The following SLC4A2 variants were observed in gnomAD, a reference collection of about 807,000 sequenced individuals.
SLC4A2 encodes solute carrier family 4 member 2.
SLC4A2 carries 36 observed loss-of-function variants against 115.0 expected under a neutral mutation model. That is an observed-to-expected ratio of 0.31 (90% CI 0.24 to 0.41). The LOEUF is 0.41. SLC4A2 is among the 10% of genes least tolerant of loss of function. SLC4A2 has a pLI of 1.00. For synonymous variants in SLC4A2, 708 were observed against 708.3 expected (o/e 1.00, Z 0.01); for missense variants, 1,252 against 1,705.6 (o/e 0.73, Z 4.68).
rs1797503206 is a variant in SLC4A2, at chr7:151,073,286, A to ATTTTATTTTAT, written c.2536-750_2536-749insTATTTTATTTT. Among the ~76,000 whole-genome samples the ATTTTATTTTAT allele has an allele frequency of 2.0e-5, 3 of 146,818 alleles. No homozygotes were observed. In the Admixed American group the frequency reaches 2.1e-4, roughly 10 times the overall value. On this transcript the variant is annotated intron_variant, in intron 16 of 22. Coordinates refer to ENST00000413384, the MANE Select transcript of SLC4A2 (RefSeq NM_003040.4). The stretch of plus-strand genomic sequence containing the variant: ...ATTTTATTTTATTTTATTTTATTTT[A>ATTTTATTTTAT]TTTGTTTATTTGTTTTTTGAGACAG...
intron 2 of SLC4A2, among the ~76,000 whole-genome samples, chr7:151,063,407 C>G (rs899121036): frequency 6.6e-6 from 1 of 152,224 alleles, no homozygotes; most frequent in African/African-American, 2.4e-5. Flanking sequence ...CTCAGGCCAA[C>G]TGGAGTTTCT....
At chr7:151,063,111 G>A in intron 2 of SLC4A2, 6 of 1,525,670 alleles carry the variant, frequency 3.9e-6, no homozygotes, top group East Asian at 2.5e-5. Flanking sequence ...CCGCTTAGCT[G>A]GGCTGAGCTC....
rs1797152148 is a variant in SLC4A2 at position 151,064,274 on chromosome 7, C to T, written c.124C>T (p.Leu42=). 4 of 1,612,224 alleles carry T rather than the reference C, an allele frequency of 2.5e-6. No homozygotes were observed. Among genetic ancestry groups the T allele is most frequent in the Non-Finnish European group, 3.4e-6 (4 of 1,179,868 alleles). Reference sequence around the variant, plus strand: ...GGAGGAAGACGAACTTCACCGCACCCTGGGCGTGGAGCGGTTTGAGGAGAT... The same window carrying T: ...GGAGGAAGACGAACTTCACCGCACCTTGGGCGTGGAGCGGTTTGAGGAGAT... ...EQEEDELHRT[L]GVERFEEILQ... The change falls in exon 3 of 23, where the codon CTG becomes TTG. Residue 42 remains leucine (L), a synonymous_variant. Coordinates refer to ENST00000413384, the MANE Select transcript of SLC4A2 (RefSeq NM_003040.4).
rs1012153919 is a variant in SLC4A2 at position 151,062,505 on chromosome 7, C to T, written c.51+467C>T. The stretch of plus-strand genomic sequence containing the variant: ...TCCACATGGCCCCCTTTGGATTTTC[C>T]TAAGGAGTCTTAATGATTAACCCCG... On this transcript the variant is annotated intron_variant, in intron 2 of 22. Transcript: ENST00000413384. 3.7e-6 allele frequency: 5 copies of T among 1,365,190 alleles called. No homozygotes were observed. In the African/African-American group the frequency reaches 7.4e-5, roughly 20 times the overall value. 84.6% of individuals were successfully genotyped at this position (1,365,190 alleles called of 1,614,324 possible).
rs756650990 is a variant in SLC4A2 at position 151,064,743 on chromosome 7, T to C, written c.435T>C (p.Pro145=). 13 of 1,610,628 alleles carry C rather than the reference T, an allele frequency of 8.1e-6. No homozygotes were observed. The highest frequency in any genetic ancestry group is 1.6e-4 in the Middle Eastern group (1 of 6,066). ...EGARALTQPS[P]VSTPSSVQFF... ...CCCGGGCTCTCACTCAGCCGTCCCCTGTCTCCACACCCTCCTCGGTGCAGG... is the reference window on the plus strand; with the variant it reads ...CCCGGGCTCTCACTCAGCCGTCCCCCGTCTCCACACCCTCCTCGGTGCAGG... Residue 145 remains proline, a synonymous_variant, in exon 4 of 23, where the codon CCT becomes CCC. Coordinates refer to ENST00000413384, the MANE Select transcript of SLC4A2 (RefSeq NM_003040.4).
Position 151,066,656 on chromosome 7 carries a change from C to T in SLC4A2, c.718C>T (p.Arg240Cys), listed in dbSNP as rs1409703503. 19 of 1,550,722 alleles carry T rather than the reference C, an allele frequency of 1.2e-5. No individual in the cohort carries two copies. Among genetic ancestry groups the T allele is most frequent in the South Asian group, 5.9e-5 (5 of 84,080 alleles). ...CAGCTACAACCTTCAGGAGAGGAGG[C>T]GCATCGGGAGCATGACTGGGGCTGA... ...HRSYNLQERRRIGSMTGAEQA... is the reference protein window; with the variant it reads ...HRSYNLQERRCIGSMTGAEQA... The change falls in exon 6 of 23, where the codon CGC (arginine) becomes TGC (cysteine). Residue 240 changes from arginine (R) to cysteine (C), a missense_variant. By Grantham distance (180) the Arg-to-Cys change is radical. Around this residue, in one of 14 missense-constraint regions of SLC4A2, gnomAD observed 42 missense variants for 93.1 expected, o/e 0.45. Transcript: ENST00000413384.
chr7:151,066,829 C>T, intron 6 of SLC4A2, 22 bp from the exon 7 acceptor site: 2 of 1,605,618 alleles, frequency 1.2e-6, no homozygotes, highest in Non-Finnish European at 1.7e-6. Context: ...GGGAGCCCAA[C>T]CTTGGTCCTC....
chr7:151,073,873 TGCTCACAGCTG>T (rs1431321902), intron 16 of SLC4A2, 155 bp from the exon 17 acceptor site: 16 of 725,804 alleles, frequency 2.2e-5, no homozygotes, highest in Non-Finnish European at 3.4e-5. Flanking sequence ...CACTGCCCTG[TGCTCACAGCTG>T]GTTCTCTGGG....
At chr7:151,067,561 C>T (rs1797276765) in intron 7 of SLC4A2, among the ~76,000 whole-genome samples, 1 of 152,252 alleles carries the variant, frequency 6.6e-6, no homozygotes, top group African/African-American at 2.4e-5. Flanking sequence ...CCATTGCTTT[C>T]ATATACAGTG....
chr7:151,065,833 G>A (rs903016111), intron 5 of SLC4A2, among the ~76,000 whole-genome samples: 4 of 152,240 alleles, frequency 2.6e-5, no homozygotes, highest in Middle Eastern at 3.4e-3. Flanking sequence ...TCATGGGAGG[G>A]GACTCTGATG....
At chr7:151,063,123 T>TA (rs1194645122) in intron 2 of SLC4A2, 4 of 1,418,358 alleles carry the variant, frequency 2.8e-6, no homozygotes, top group Non-Finnish European at 3.7e-6. Context: ...GCTGAGCTCT[T>TA]ACAAGCGCCG....
chr7:151,064,741 CCT>C lies in SLC4A2; in HGVS notation c.434_435del (p.Pro145ArgfsTer15). On this transcript the variant is annotated frameshift_variant, in exon 4 of 23. Transcript: ENST00000413384. LOFTEE classifies it high-confidence loss of function. ...GGCCCGGGCTCTCACTCAGCCGTCC[CCT>C]GTCTCCACACCCTCCTCGGTGCAGG... ...EGARALTQPS[P>X]VSTPSSVQFF... 2 of 1,610,810 alleles carry C rather than the reference CCT, an allele frequency of 1.2e-6. No individual in the cohort carries two copies. Among genetic ancestry groups the C allele is most frequent in the Non-Finnish European group, 1.7e-6 (2 of 1,177,872 alleles).
intron 16 of SLC4A2, among the ~76,000 whole-genome samples, chr7:151,072,780 T>A (rs1406554622): frequency 6.6e-6 from 1 of 151,786 alleles, no homozygotes; most frequent in Non-Finnish European, 1.5e-5. Flanking sequence ...TGCCTCAGCC[T>A]CCCAAGTAGC....
rs1237959375 is a variant in SLC4A2 at position 151,070,713 on chromosome 7, T to C, written c.1565-14T>C. The C allele has an allele frequency of 9.3e-6, 15 of 1,611,866 alleles. No homozygotes were observed. The highest frequency in any genetic ancestry group is 1.2e-5 in the Non-Finnish European group (14 of 1,179,654). On this transcript the variant is annotated splice_polypyrimidine_tract_variant and intron_variant, in intron 11 of 22. Coordinates refer to ENST00000413384, the MANE Select transcript of SLC4A2 (RefSeq NM_003040.4). ...GCTGCTCTGCTCTTGCCCACGATGG[T>C]CCCACGCCCCTAGGCTGCGTGGAGT...
chr7:151,071,377 G>A lies in SLC4A2; in HGVS notation c.1976-13G>A. The A allele has an allele frequency of 6.3e-7, 1 of 1,580,238 alleles. No individual in the cohort carries two copies. The highest frequency in any genetic ancestry group is 8.6e-7 in the Non-Finnish European group (1 of 1,168,106). On this transcript the variant is annotated splice_polypyrimidine_tract_variant and intron_variant, in intron 13 of 22. Transcript: ENST00000413384. This position sits in a 1 kb window ranked among gnomAD's most constrained non-coding sequence, Gnocchi z 5.5. Reference sequence around the variant, plus strand: ...GAGGGGCTGGGGCGCCCTGACGGAGGCCTGGGTTGCAGCGCTCCTGCAGAT... The same window carrying A: ...GAGGGGCTGGGGCGCCCTGACGGAGACCTGGGTTGCAGCGCTCCTGCAGAT...
chr7:151,068,119 A>T, intron 8 of SLC4A2, 65 bp downstream of exon 8: 1 of 1,273,060 alleles, frequency 7.9e-7, no homozygotes, highest in Non-Finnish European at 1.0e-6. Context: ...CATGGCCCCA[A>T]ATCTGTCTTG....
rs1258382144 is a variant in SLC4A2 at position 151,074,265 on chromosome 7, T to C, written c.2762T>C (p.Phe921Ser). 3.7e-6 allele frequency: 6 copies of C among 1,611,186 alleles called. No homozygotes were observed. Among genetic ancestry groups the C allele is most frequent in the Non-Finnish European group, 5.1e-6 (6 of 1,179,506 alleles). Residue 921 changes from phenylalanine to serine, a missense_variant, in exon 17 of 23, where the codon TTC (phenylalanine) becomes TCC (serine). Phe to Ser is a radical substitution (Grantham distance 155). This residue lies in a region of SLC4A2 where 253 missense variants were observed against 407.4 expected (regional missense o/e 0.62). Transcript: ENST00000413384. ...TTCATCGCCTTCTTCCTGCGCAAAT[T>C]CAAGAACAGCCGGTTCTTTCCTGGC... Reference protein sequence around the residue: ...TFFIAFFLRKFKNSRFFPGRI... With the variant: ...TFFIAFFLRKSKNSRFFPGRI...
chr7:151,071,211 A>G lies in SLC4A2; in HGVS notation c.1889A>G (p.Gln630Arg). 6.2e-7 allele frequency: 1 copy of G among 1,600,066 alleles called. No individual in the cohort carries two copies. Among genetic ancestry groups the G allele is most frequent in the Non-Finnish European group, 8.5e-7 (1 of 1,173,876 alleles). Reference sequence around the variant, plus strand: ...CTGCTGCGCTCTGTGGCCCACTTCCAGCGCCAGATGCTCAAGAAGCGAGAG... The same window carrying G: ...CTGCTGCGCTCTGTGGCCCACTTCCGGCGCCAGATGCTCAAGAAGCGAGAG... The part of the protein sequence containing the change: ...EELLRSVAHF[Q>R]RQMLKKREEQ... Residue 630 changes from glutamine to arginine, a missense_variant, in exon 13 of 23, where the codon CAG (glutamine) becomes CGG (arginine). Gln to Arg is a conservative substitution (Grantham distance 43, BLOSUM62 1). This residue lies in a region of SLC4A2 where 122 missense variants were observed against 116.8 expected (regional missense o/e 1.04). Transcript: ENST00000413384. This position sits in a 1 kb window ranked among gnomAD's most constrained non-coding sequence, Gnocchi z 5.5.
At chr7:151,070,626 T>G in intron 11 of SLC4A2, 55 bp downstream of exon 11, 2 of 1,595,774 alleles carry the variant, frequency 1.3e-6, no homozygotes, top group South Asian at 2.2e-5. Context: ...TGAGGCAGAG[T>G]CCTGTAGTCT....
Sources: allele counts gnomAD v4.1 joint callset (sites outside exome capture counted in the v4.1 genomes callset), GRCh38; gene constraint gnomAD v4.1.1; regional missense constraint gnomAD v4.1.1; non-coding constraint Gnocchi (gnomAD v3.1); transcripts MANE v1.5; gene names NCBI Gene and HGNC (gene_info 2026-07-23, HGNC 2026-07-21).